GAB2: variants seen among roughly 807,000 people sequenced by gnomAD.
GAB2 encodes the protein GRB2-associated-binding protein 2.
In GAB2, 26 loss-of-function variants were observed where a neutral mutation model predicts 65.5. The ratio of observed to expected loss-of-function variants is 0.40; its 90% CI spans 0.29 to 0.55. The LOEUF (loss-of-function observed/expected upper bound fraction) is 0.55, where lower values mean the gene tolerates loss of function less well. Among genes scored for constraint, GAB2 ranks in the 20% least tolerant of loss-of-function variants. GAB2 has a pLI of 0.53. For synonymous variants in GAB2, 321 were observed against 329.6 expected (o/e 0.97, Z 0.28); for missense variants, 884 against 875.8 (o/e 1.01, Z -0.12).
At chr11:78,234,960 AGATCAT>A (rs1667696062) in intron 3 of GAB2, among the ~76,000 whole-genome samples, 1 of 151,912 alleles carries the variant, frequency 6.6e-6, no homozygotes, top group African/African-American at 2.4e-5. Context: ...CAATGAGCTG[AGATCAT>A]GCCACTGCAT....
chr11:78,381,536 C>G (rs1188578254), intron 1 of GAB2, among the ~76,000 whole-genome samples: 1 of 152,208 alleles, frequency 6.6e-6, no homozygotes, highest in African/African-American at 2.4e-5. Flanking sequence ...TTCCTCCTCC[C>G]ACCTGCTACA....
intron 1 of GAB2, among the ~76,000 whole-genome samples, chr11:78,399,612 G>C (rs1856944597): frequency 6.6e-6 from 1 of 152,154 alleles, no homozygotes; most frequent in Non-Finnish European, 1.5e-5. Context: ...AATTTGATGT[G>C]CTACCCAGCT....
intron 2 of GAB2, among the ~76,000 whole-genome samples, chr11:78,274,590 G>A (rs1866115198): frequency 6.6e-6 from 1 of 152,212 alleles, no homozygotes; most frequent in African/African-American, 2.4e-5. Flanking sequence ...TTTATTAAGT[G>A]ACCTGCTCAT....
In GAB2 at chr11:78,412,588, T is replaced by C. The variant is rs115588765; in HGVS notation, c.75+5058A>G. On this transcript the variant is annotated intron_variant, in intron 1 of 9. Transcript: ENST00000361507. Reference sequence around the variant, plus strand: ...AATGCTCTGTATCTTGACTGTATCATTGTCAATATACTGTTGTGATACTGT... The same window carrying C: ...AATGCTCTGTATCTTGACTGTATCACTGTCAATATACTGTTGTGATACTGT... Among the ~76,000 whole-genome samples the C allele has an allele frequency of 5.9e-3, 895 of 152,332 alleles. 9 individuals carry two copies. Among genetic ancestry groups the C allele is most frequent in the African/African-American group, 0.02 (829 of 41,582 alleles).
intron 1 of GAB2, among the ~76,000 whole-genome samples, chr11:78,337,533 C>A (rs1322092829): frequency 3.3e-5 from 5 of 152,030 alleles, no homozygotes; most frequent in Non-Finnish European, 5.9e-5. Flanking sequence ...CTCTTAGAGG[C>A]AGGGAAAAGA....
chr11:78,333,403 A>G (rs531477786), intron 1 of GAB2, among the ~76,000 whole-genome samples: 1 of 152,290 alleles, frequency 6.6e-6, no homozygotes, highest in Admixed American at 6.5e-5. Flanking sequence ...AGCTAGGACT[A>G]CAGGAATGCA....
intron 1 of GAB2, among the ~76,000 whole-genome samples, chr11:78,412,714 C>G (rs778542642): frequency 8.5e-5 from 13 of 152,222 alleles, no homozygotes; most frequent in Admixed American, 7.2e-4. Context: ...GTAGAATTAC[C>G]TCAAAATGAA....
At chr11:78,305,954 A>C (rs1442325840) in intron 1 of GAB2, among the ~76,000 whole-genome samples, 1 of 152,240 alleles carries the variant, frequency 6.6e-6, no homozygotes, top group East Asian at 1.9e-4. Flanking sequence ...TTCTGTCCTT[A>C]ATCCTTCTCT....
At chr11:78,233,464 T>G (rs1040848941) in intron 3 of GAB2, among the ~76,000 whole-genome samples, 5 of 152,262 alleles carry the variant, frequency 3.3e-5, no homozygotes, top group African/African-American at 7.2e-5. Context: ...TCTTTTTTTG[T>G]TGAAGAATCT....
chr11:78,375,382 T>C (rs544676678), intron 1 of GAB2, among the ~76,000 whole-genome samples: 1 of 152,190 alleles, frequency 6.6e-6, no homozygotes, highest in African/African-American at 2.4e-5. Flanking sequence ...TTTTGATCCA[T>C]ACACAGTTTG....
chr11:78,416,264 T>C (rs915200520), intron 1 of GAB2, among the ~76,000 whole-genome samples: 8 of 152,366 alleles, frequency 5.3e-5, no homozygotes, highest in East Asian at 1.9e-4. Context: ...TCAAAACTCA[T>C]GTGCTAAATC....
chr11:78,254,739 C>A (rs902156801), intron 2 of GAB2, among the ~76,000 whole-genome samples: 1 of 151,620 alleles, frequency 6.6e-6, no homozygotes, highest in African/African-American at 2.4e-5. Context: ...ATTGAGGCTG[C>A]AGTGGGCTAT....
intron 2 of GAB2, among the ~76,000 whole-genome samples, chr11:78,273,236 C>T (rs1189657829): frequency 6.6e-6 from 1 of 152,234 alleles, no homozygotes; most frequent in Admixed American, 6.5e-5. Context: ...AATGGTAGAT[C>T]CACTGACAGC....
At chr11:78,314,396 G>A (rs1327450086) in intron 1 of GAB2, among the ~76,000 whole-genome samples, 5 of 152,138 alleles carry the variant, frequency 3.3e-5, no homozygotes, top group Non-Finnish European at 7.4e-5. Context: ...GGAAGTAGAC[G>A]CTATTATCCT....
intron 8 of GAB2, among the ~76,000 whole-genome samples, 180 bp from the exon 9 acceptor site, chr11:78,220,624 GA>G (rs1864377993): frequency 1.3e-5 from 2 of 152,278 alleles, no homozygotes; most frequent in East Asian, 3.9e-4. Flanking sequence ...AGGTAGGTAT[GA>G]TTACTGTTGA....
chr11:78,347,665 A>G lies in GAB2; in HGVS notation c.76-66764T>C, dbSNP rs531085634. ...ACTGGATTATAGACCTAAATGTAAA[A>G]GCTAAAACATCTCCTACAAGAAAAC... On this transcript the variant is annotated intron_variant, in intron 1 of 9. Transcript: ENST00000361507. Among the ~76,000 whole-genome samples, 3 of 152,364 alleles carry G rather than the reference A, an allele frequency of 2.0e-5. No individual in the cohort carries two copies. The East Asian group carries it at 5.8e-4, about 29-fold the overall frequency.
At chr11:78,307,604 T>TAGAGGGAGAG (rs372962811) in intron 1 of GAB2, among the ~76,000 whole-genome samples, 1 of 121,884 alleles carries the variant, frequency 8.2e-6, no homozygotes. Context: ...CAAAAAATGT[T>TAGAGGGAGAG]AGAGAGAGAG....
intron 9 of GAB2, 118 bp downstream of exon 9, chr11:78,220,201 C>T (rs1357930976): frequency 1.9e-6 from 2 of 1,028,952 alleles, no homozygotes; most frequent in Non-Finnish European, 2.9e-6. Flanking sequence ...AAGCTGGGTA[C>T]TGGAGCAGGA....
At chr11:78,302,677 G>A (rs1207888784) in intron 1 of GAB2, among the ~76,000 whole-genome samples, 2 of 152,146 alleles carry the variant, frequency 1.3e-5, no homozygotes, top group Non-Finnish European at 2.9e-5. Flanking sequence ...CCACTACTGG[G>A]TATCTACCCA....
Sources: allele counts gnomAD v4.1 joint callset (sites outside exome capture counted in the v4.1 genomes callset), GRCh38; gene constraint gnomAD v4.1.1; transcripts MANE v1.5; gene names NCBI Gene and HGNC (gene_info 2026-07-23, HGNC 2026-07-21).